TMEM67: variants seen among roughly 807,000 people sequenced by gnomAD.
TMEM67 encodes the protein meckelin.
TMEM67 carries 124 observed loss-of-function variants against 136.6 expected under a neutral mutation model. The ratio of observed to expected loss-of-function variants is 0.91; its 90% CI spans 0.78 to 1.05. The LOEUF is 1.05. Among genes scored for constraint, TMEM67 ranks in the 50% least tolerant of loss-of-function variants. The pLI, the probability that TMEM67 is intolerant of heterozygous loss-of-function variation, is 0.00. For missense variants in TMEM67, 1,107 were observed against 1,178.4 expected, an observed-to-expected ratio of 0.94 and a Z score of 0.89; for synonymous variants, 364 against 390.5, an observed-to-expected ratio of 0.93 and a Z score of 0.80.
chr8:93,829,331 C>T, the TMEM67 span, among the ~76,000 whole-genome samples: 4 of 151,782 alleles, frequency 2.6e-5, no homozygotes, highest in Admixed American at 1.3e-4. Context: ...TCAAGTCTTT[C>T]CTCAAAATCA....
chr8:93,758,342 G>A, intron 2 of TMEM67, 141 bp from the exon 3 acceptor site: 1 of 634,904 alleles, frequency 1.6e-6, no homozygotes, highest in Non-Finnish European at 2.7e-6. Flanking sequence ...TCTCTCCAGG[G>A]AATTTTTATG....
chr8:93,765,437 A>G lies in TMEM67; in HGVS notation c.538A>G (p.Thr180Ala), dbSNP rs755246218. The G allele has an allele frequency of 6.2e-7, 1 of 1,612,000 alleles. No individual in the cohort carries two copies. The highest frequency in any genetic ancestry group is 1.7e-5 in the Admixed American group (1 of 60,016). The change falls in exon 5 of 28, where the codon ACC becomes GCC. Residue 180 changes from threonine to alanine, a missense_variant. Thr to Ala is a moderately conservative substitution (Grantham distance 58, BLOSUM62 0). Transcript: ENST00000453321. ...CVRCEPTFVN[T>A]SRSCACSEPN... ...CCGATGTGAGCCAACATTTGTTAAT[A>G]CCAGCAGGTCCTGTGCATGTTCAGA...
chr8:93,784,194 G>A (rs912420549), intron 11 of TMEM67, among the ~76,000 whole-genome samples: 3 of 152,034 alleles, frequency 2.0e-5, no homozygotes, highest in African/African-American at 7.2e-5. Flanking sequence ...TGATTTACAC[G>A]TTGTTGTTGC....
intron 7 of TMEM67, among the ~76,000 whole-genome samples, chr8:93,775,004 C>A (rs1813476980): frequency 6.6e-6 from 1 of 152,198 alleles, no homozygotes; most frequent in Admixed American, 6.5e-5. Context: ...TTCTCCATGT[C>A]CTCTCCAGCA....
chr8:93,828,983 A>G, the TMEM67 span, among the ~76,000 whole-genome samples: 1 of 152,200 alleles, frequency 6.6e-6, no homozygotes, highest in South Asian at 2.1e-4. Context: ...TTATGTGTAT[A>G]TTACATTTAT....
chr8:93,794,282 A>G (rs1814512378), intron 16 of TMEM67, among the ~76,000 whole-genome samples: 1 of 152,180 alleles, frequency 6.6e-6, no homozygotes, highest in African/African-American at 2.4e-5. Flanking sequence ...AACCGTCCCT[A>G]TATCAAGATC....
In TMEM67 at chr8:93,803,879, AT is replaced by A. The variant is rs377147074; in HGVS notation, c.2322+210del. 0.022 allele frequency among the ~76,000 whole-genome samples: 3,008 copies of A among 138,838 alleles called. 26 individuals carry two copies. The highest frequency in any genetic ancestry group is 0.031 in the Non-Finnish European group (1,954 of 63,458). The allele number at this position is 138,838 out of a possible 152,430, so 91.1% of individuals were successfully genotyped here. A position where few individuals can be genotyped will look rare whatever the true frequency, so the allele number is the denominator to read the frequency against. On this transcript the variant is annotated intron_variant, in intron 22 of 27. Transcript: ENST00000453321. ...ACTGCCTTAGTTTTTTCATTTTTTC[AT>A]TTTTTTTTTTTTTTGAAACGGTCTT... is the stretch of plus-strand genomic sequence containing the variant.
intron 3 of TMEM67, among the ~76,000 whole-genome samples, chr8:93,761,057 T>A (rs1341377727): frequency 1.3e-5 from 2 of 152,166 alleles, no homozygotes; most frequent in African/African-American, 4.8e-5. Context: ...ACGCTTGTAA[T>A]CCAGCACTTT....
Position 93,778,353 on chromosome 8 carries a change from G to A in TMEM67, c.715-2240G>A, listed in dbSNP as rs190900164. On this transcript the variant is annotated intron_variant, in intron 7 of 27. Transcript: ENST00000453321. ...TAATTGGAGCATTTAGCCCATTTACGTTTAAGGTGTAATATTGGTATGTGT... is the reference window on the plus strand; with the variant it reads ...TAATTGGAGCATTTAGCCCATTTACATTTAAGGTGTAATATTGGTATGTGT... Among the ~76,000 whole-genome samples the A allele has an allele frequency of 2.0e-4, 30 of 152,174 alleles. No individual in the cohort carries two copies. In the East Asian group the frequency reaches 4.6e-3, roughly 24 times the overall value.
At chr8:93,809,404 A>G (rs571702061) in intron 25 of TMEM67, among the ~76,000 whole-genome samples, 2 of 152,266 alleles carry the variant, frequency 1.3e-5, no homozygotes, top group East Asian at 3.9e-4. Flanking sequence ...AGTAAAATGA[A>G]ATTTTATGTG....
At chr8:93,764,296 G>A (rs1325974580) in intron 4 of TMEM67, among the ~76,000 whole-genome samples, 1 of 152,128 alleles carries the variant, frequency 6.6e-6, no homozygotes, top group East Asian at 1.9e-4. Context: ...TAACCACTCT[G>A]TACAGGGTAG....
Position 93,780,926 on chromosome 8 carries a change from C to A in TMEM67, c.922C>A (p.Gln308Lys). 1 of 1,612,360 alleles carries A rather than the reference C, an allele frequency of 6.2e-7. No individual in the cohort carries two copies. The highest frequency in any genetic ancestry group is 2.1e-4 in the Middle Eastern group (1 of 4,860). ...TGGAGACCAGTTAGGATTAGCACCT[C>A]AAGTGCTCAGTTCTACCTCTCTTCC... The part of the protein sequence containing the change: ...FYGDQLGLAP[Q>K]VLSSTSLPTN... The change falls in exon 9 of 28, where the codon CAA becomes AAA. Residue 308 changes from glutamine (Q) to lysine (K), a missense_variant. Physicochemically the swap from Gln to Lys is moderately conservative, Grantham distance 53. Transcript: ENST00000453321.
intron 26 of TMEM67, among the ~76,000 whole-genome samples, chr8:93,814,320 T>C (rs1808817338): frequency 6.6e-6 from 1 of 151,734 alleles, no homozygotes; most frequent in South Asian, 2.1e-4. Flanking sequence ...TTTGTATTTT[T>C]AGTGGAGACG....
In TMEM67 at chr8:93,817,824, T is replaced by C. The variant is rs1413307330; in HGVS notation, c.*1372T>C. ...AAAGGAAGTCTTTGAAACTGCAGTT[T>C]CTGAAGGATCACAGTACAGGAATGC... On this transcript the variant is annotated 3_prime_UTR_variant, in exon 28 of 28. Transcript: ENST00000453321. 6.6e-6 allele frequency: 1 copy of C among 152,170 alleles called. No individual in the cohort carries two copies. Among genetic ancestry groups the C allele is most frequent in the Non-Finnish European group, 1.5e-5 (1 of 68,038 alleles). The allele number at this position is 152,170 out of a possible 1,614,324, so 9.4% of individuals were successfully genotyped here.
Position 93,774,532 on chromosome 8 carries a change from C to T in TMEM67, c.714+1881C>T, listed in dbSNP as rs535812947. 1.2e-4 allele frequency among the ~76,000 whole-genome samples: 18 copies of T among 152,166 alleles called. No homozygotes were observed. The East Asian group carries it at 3.3e-3, about 28-fold the overall frequency. On this transcript the variant is annotated intron_variant, in intron 7 of 27. Transcript: ENST00000453321. ...GCCCAGTCCCCCACCCAAAGACAGG[C>T]CCCAGTGTGTGATGTTCCCCGCCCT...
the TMEM67 span, among the ~76,000 whole-genome samples, chr8:93,832,092 C>T: frequency 2.6e-5 from 4 of 152,176 alleles, no homozygotes; most frequent in African/African-American, 9.7e-5. Flanking sequence ...GCCAACTTTC[C>T]TCTCTACCCT....
chr8:93,827,180 C>A, the TMEM67 span, among the ~76,000 whole-genome samples: 2 of 152,056 alleles, frequency 1.3e-5, no homozygotes, highest in Non-Finnish European at 2.9e-5. Flanking sequence ...GTGAGCATGG[C>A]AGAATTTATA....
chr8:93,765,545 T>G (rs1286396238), intron 5 of TMEM67, 27 bp from the exon 6 acceptor site: 11 of 1,603,716 alleles, frequency 6.9e-6, no homozygotes, highest in Non-Finnish European at 9.4e-6. Context: ...CATAAGCTTC[T>G]ATTTTTTCCC....
intron 16 of TMEM67, chr8:93,794,829 T>C (rs1814535145): frequency 6.2e-6 from 1 of 160,414 alleles, no homozygotes; most frequent in African/African-American, 2.4e-5. Context: ...CTCTCAGAAA[T>C]CATGAGAACT....
Sources: gnomAD v4.1 joint callset for allele counts (sites outside exome capture counted in the v4.1 genomes callset) on GRCh38, gnomAD v4.1.1 for gene constraint, MANE v1.5 for transcripts, NCBI Gene and HGNC (gene_info 2026-07-23, HGNC 2026-07-21) for gene names.